The following SLC14A2 variants were observed in gnomAD, a reference collection of about 807,000 sequenced individuals.
The protein encoded by SLC14A2 is solute carrier family 14 member 2.
In SLC14A2, 91 loss-of-function variants were observed where a neutral mutation model predicts 104.6. That is an observed-to-expected ratio of 0.87 (90% confidence interval 0.73 to 1.04). The LOEUF (loss-of-function observed/expected upper bound fraction) is 1.04, where lower values mean the gene tolerates loss of function less well. SLC14A2 is among the 50% of genes least tolerant of loss of function. The pLI, the probability that SLC14A2 is intolerant of heterozygous loss-of-function variation, is 0.00. For missense variants in SLC14A2, 1,189 were observed against 1,156.0 expected (o/e 1.03, Z -0.41); for synonymous variants, 476 against 466.4 (o/e 1.02, Z -0.27).
At chr18:45,283,072 G>A (rs999668349) in intron 1 of SLC14A2, among the ~76,000 whole-genome samples, 12 of 152,176 alleles carry the variant, frequency 7.9e-5, no homozygotes, top group African/African-American at 2.9e-4. Context: ...CCGTGAGAAC[G>A]AATCATTACC....
chr18:45,331,176 G>T (rs1167234231), intron 1 of SLC14A2, among the ~76,000 whole-genome samples: 1 of 152,158 alleles, frequency 6.6e-6, no homozygotes, highest in Non-Finnish European at 1.5e-5. Context: ...TCCGTCTTTA[G>T]AATATACGGA....
intron 2 of SLC14A2, among the ~76,000 whole-genome samples, chr18:45,488,211 T>C (rs983454444): frequency 6.6e-6 from 1 of 152,002 alleles, no homozygotes; most frequent in Non-Finnish European, 1.5e-5. Flanking sequence ...CAGGCAGGGA[T>C]AACGTGAGCA....
At chr18:45,241,949 C>G (rs904846896) in intron 1 of SLC14A2, among the ~76,000 whole-genome samples, 4 of 152,054 alleles carry the variant, frequency 2.6e-5, no homozygotes, top group African/African-American at 9.7e-5. Context: ...GGCAACTTAC[C>G]TGATTTTCAA....
chr18:45,253,979 G>C (rs1031895146), intron 1 of SLC14A2, among the ~76,000 whole-genome samples: 1 of 152,138 alleles, frequency 6.6e-6, no homozygotes, highest in African/African-American at 2.4e-5. Flanking sequence ...GTGGACATGA[G>C]GGGGACATGA....
chr18:45,355,960 A>G (rs1479212392), intron 1 of SLC14A2, among the ~76,000 whole-genome samples: 1 of 152,214 alleles, frequency 6.6e-6, no homozygotes, highest in Non-Finnish European at 1.5e-5. Flanking sequence ...AGAGAAAATC[A>G]GAAGACGGAG....
At chr18:45,405,856 G>A (rs1327663571) in intron 1 of SLC14A2, among the ~76,000 whole-genome samples, 1 of 144,894 alleles carries the variant, frequency 6.9e-6, no homozygotes, top group Non-Finnish European at 1.5e-5. Context: ...CTGAAATCTC[G>A]CCACTGCACT....
At chr18:45,462,387 G>A (rs1163858229) in intron 1 of SLC14A2, among the ~76,000 whole-genome samples, 1 of 152,198 alleles carries the variant, frequency 6.6e-6, no homozygotes, top group Non-Finnish European at 1.5e-5. Flanking sequence ...TTCCGAGCAG[G>A]CAAGGGACTT....
the SLC14A2 span, among the ~76,000 whole-genome samples, chr18:45,196,492 A>G: frequency 6.6e-6 from 1 of 152,236 alleles, no homozygotes; most frequent in Non-Finnish European, 1.5e-5. Context: ...GGTAAGGTTT[A>G]CAGCTGTTGC....
At chr18:45,479,189 A>C (rs2087446000) in intron 1 of SLC14A2, among the ~76,000 whole-genome samples, 1 of 152,368 alleles carries the variant, frequency 6.6e-6, no homozygotes, top group East Asian at 1.9e-4. Context: ...GGGCTATCTT[A>C]ACAACACTGT....
chr18:45,187,649 C>T, the SLC14A2 span, among the ~76,000 whole-genome samples: 4 of 152,008 alleles, frequency 2.6e-5, no homozygotes, highest in Admixed American at 6.6e-5. Flanking sequence ...GAAGGTGAAG[C>T]CACCTTATGC....
intron 1 of SLC14A2, among the ~76,000 whole-genome samples, chr18:45,471,365 T>C (rs1231278863): frequency 6.6e-6 from 1 of 152,230 alleles, no homozygotes; most frequent in African/African-American, 2.4e-5. Flanking sequence ...TCTTTACCAT[T>C]GGGTATCATT....
At chr18:45,637,607 G>A (rs904321262) in intron 6 of SLC14A2, among the ~76,000 whole-genome samples, 12 of 152,178 alleles carry the variant, frequency 7.9e-5, no homozygotes, top group Non-Finnish European at 1.6e-4. Context: ...CATTAGCATA[G>A]AAGACAGAGG....
chr18:45,201,286 C>T, the SLC14A2 span, among the ~76,000 whole-genome samples: 5 of 152,070 alleles, frequency 3.3e-5, no homozygotes, highest in East Asian at 9.6e-4. Context: ...GTCATTTTAG[C>T]CAGCCCACTT....
chr18:45,487,940 C>T (rs1568235806), intron 2 of SLC14A2, among the ~76,000 whole-genome samples: 1 of 152,098 alleles, frequency 6.6e-6, no homozygotes, highest in Non-Finnish European at 1.5e-5. Flanking sequence ...GTAATATGTC[C>T]TTCATTCATG....
chr18:45,442,185 T>G (rs2086691733), intron 1 of SLC14A2, among the ~76,000 whole-genome samples: 1 of 152,194 alleles, frequency 6.6e-6, no homozygotes, highest in Non-Finnish European at 1.5e-5. Context: ...GTTATTTAAC[T>G]GATGTGAGCC....
At chr18:45,588,022 G>A (rs1427517929) in intron 2 of SLC14A2, among the ~76,000 whole-genome samples, 3 of 152,142 alleles carry the variant, frequency 2.0e-5, no homozygotes, top group African/African-American at 7.2e-5. Flanking sequence ...GGAGATGATT[G>A]AAAATGCCGG....
chr18:45,447,773 G>A (rs979316912), intron 1 of SLC14A2: 1 of 152,118 alleles, frequency 6.6e-6, no homozygotes, highest in Non-Finnish European at 1.5e-5. Context: ...ATATGCAAAT[G>A]GAGCCTTTAT....
At chr18:45,310,022 C>A (rs1042892988) in intron 1 of SLC14A2, among the ~76,000 whole-genome samples, 1 of 151,958 alleles carries the variant, frequency 6.6e-6, no homozygotes, top group African/African-American at 2.4e-5. Context: ...GAGATTCATC[C>A]ATATCGATGC....
chr18:45,670,565 C>A (rs1189129322), intron 16 of SLC14A2, among the ~76,000 whole-genome samples: 1 of 152,188 alleles, frequency 6.6e-6, no homozygotes, highest in Non-Finnish European at 1.5e-5. Flanking sequence ...TTTCTCTTAG[C>A]TTTCCACAGT....
Sources: allele counts gnomAD v4.1 joint callset (sites outside exome capture counted in the v4.1 genomes callset), GRCh38; gene constraint gnomAD v4.1.1; transcripts MANE v1.5; gene names NCBI Gene and HGNC (gene_info 2026-07-23, HGNC 2026-07-21).